PLEKHA2: variants seen among roughly 807,000 people sequenced by gnomAD.
The protein encoded by PLEKHA2 is pleckstrin homology domain containing A2, also known as pleckstrin homology domain-containing family A member 2.
Under a neutral mutation model 53.2 loss-of-function variants are expected in PLEKHA2, and 28 were observed. The ratio of observed to expected loss-of-function variants is 0.53; its 90% CI spans 0.39 to 0.72. PLEKHA2 has a LOEUF of 0.72. PLEKHA2 is among the 30% of genes least tolerant of loss of function. PLEKHA2 has a pLI of 0.00. For synonymous variants in PLEKHA2, 193 were observed against 196.4 expected, an observed-to-expected ratio of 0.98 and a Z score of 0.14; for missense variants, 426 against 537.9, an observed-to-expected ratio of 0.79 and a Z score of 2.06.
At chr8:38,958,919 A>C (rs971968566) in intron 10 of PLEKHA2, among the ~76,000 whole-genome samples, 2 of 151,982 alleles carry the variant, frequency 1.3e-5, no homozygotes, top group Non-Finnish European at 2.9e-5. Context: ...GTGCTGGGGG[A>C]GATGGAGCAC....
At chr8:38,945,198 A>G (rs1390521040) in intron 4 of PLEKHA2, among the ~76,000 whole-genome samples, 1 of 152,232 alleles carries the variant, frequency 6.6e-6, no homozygotes, top group Non-Finnish European at 1.5e-5. Context: ...AAATGCTAAC[A>G]AATAGTTTCT....
intron 2 of PLEKHA2, among the ~76,000 whole-genome samples, chr8:38,928,161 T>C (rs1339151388): frequency 6.6e-6 from 1 of 150,596 alleles, no homozygotes. Context: ...TTAGAAACAT[T>C]TAGGTGGCCA....
chr8:38,940,617 C>A (rs1318142218), intron 3 of PLEKHA2, among the ~76,000 whole-genome samples: 8 of 118,480 alleles, frequency 6.8e-5, no homozygotes, highest in African/African-American at 2.7e-4. Flanking sequence ...GTAAGCAGGA[C>A]AGAAGTCTAT....
rs1834868814 is a variant in PLEKHA2, at chr8:38,952,695, G to A, written c.693G>A (p.Lys231=). 6.2e-7 allele frequency: 1 copy of A among 1,612,306 alleles called. No homozygotes were observed. The highest frequency in any genetic ancestry group is 8.5e-7 in the Non-Finnish European group (1 of 1,179,676). The change falls in exon 8 of 12, where the codon AAG becomes AAA. Residue 231 remains lysine, a synonymous_variant. Transcript: ENST00000617275. ...ATGACTTTACCATCTGCTACTTCAA[G>A]TGTGAGCAGGTTTGTAGTAGCTTTG... ...ALDDFTICYF[K]CEQDREPLRT...
Position 38,969,921 on chromosome 8 carries a change from G to A in PLEKHA2, c.*138G>A. The A allele has an allele frequency of 8.0e-7, 1 of 1,255,092 alleles. No homozygotes were observed. Among genetic ancestry groups the A allele is most frequent in the Non-Finnish European group, 1.1e-6 (1 of 923,120 alleles). 77.7% of individuals were successfully genotyped at this position (1,255,092 alleles called of 1,614,324 possible). On this transcript the variant is annotated 3_prime_UTR_variant, in exon 12 of 12. Coordinates refer to ENST00000617275, the MANE Select transcript of PLEKHA2 (RefSeq NM_021623.2). ...ATTCCTGTGGATGCTCTTTGGGAGG[G>A]AGGGGCCCATCCAGCTGGGCTGTGT... is the stretch of plus-strand genomic sequence containing the variant.
intron 10 of PLEKHA2, among the ~76,000 whole-genome samples, chr8:38,965,430 G>T (rs1399645357): frequency 6.6e-6 from 1 of 152,106 alleles, no homozygotes; most frequent in Non-Finnish European, 1.5e-5. Flanking sequence ...TTATCGGATT[G>T]TCATCCTGGG....
intron 1 of PLEKHA2, among the ~76,000 whole-genome samples, chr8:38,912,937 AG>A (rs1235266682): frequency 6.6e-6 from 1 of 152,218 alleles, no homozygotes; most frequent in East Asian, 1.9e-4. Context: ...AAGCACAGTC[AG>A]GAGATGTAAC....
intron 1 of PLEKHA2, among the ~76,000 whole-genome samples, chr8:38,903,079 T>C (rs750456174): frequency 4.6e-5 from 7 of 152,248 alleles, no homozygotes; most frequent in Non-Finnish European, 7.3e-5. Flanking sequence ...TGCAAACACA[T>C]GAATTGTTTG....
chr8:38,938,792 C>T (rs532944490), intron 3 of PLEKHA2, among the ~76,000 whole-genome samples: 1 of 152,264 alleles, frequency 6.6e-6, no homozygotes, highest in East Asian at 1.9e-4. Flanking sequence ...TCACTGGAGT[C>T]AGACGGTCGG....
At chr8:38,909,582 T>C (rs1327918343) in intron 1 of PLEKHA2, among the ~76,000 whole-genome samples, 1 of 152,120 alleles carries the variant, frequency 6.6e-6, no homozygotes, top group Non-Finnish European at 1.5e-5. Flanking sequence ...CTCGGGGCAA[T>C]TTTTTTCTTG....
rs1186563659 is a variant in PLEKHA2, at chr8:38,971,103, GA to G, written c.*1324del. On this transcript the variant is annotated 3_prime_UTR_variant, in exon 12 of 12. Coordinates refer to ENST00000617275, the MANE Select transcript of PLEKHA2 (RefSeq NM_021623.2). ...TTGTGTCCAAATCTAATGCAGAGGT[GA>G]AAACACTTGATGAGAAAATCCTTTG... is the stretch of plus-strand genomic sequence containing the variant. 1.3e-5 allele frequency: 2 copies of G among 152,242 alleles called. No individual in the cohort carries two copies. The highest frequency in any genetic ancestry group is 1.3e-4 in the Admixed American group (2 of 15,286). 9.4% of individuals were successfully genotyped at this position (152,242 alleles called of 1,614,324 possible). A position where few individuals can be genotyped will look rare whatever the true frequency, so the allele number is the denominator to read the frequency against.
chr8:38,905,017 C>T (rs528878654), intron 1 of PLEKHA2, among the ~76,000 whole-genome samples: 26 of 152,310 alleles, frequency 1.7e-4, no homozygotes, highest in Admixed American at 7.8e-4. Flanking sequence ...ACCCTGAAGA[C>T]TTAAGCAACT....
chr8:38,962,079 G>T (rs751535151), intron 10 of PLEKHA2, among the ~76,000 whole-genome samples: 16 of 152,318 alleles, frequency 1.1e-4, no homozygotes, highest in Non-Finnish European at 2.1e-4. Context: ...ACAGGAAAAA[G>T]AAGGCTTTGA....
At chr8:38,942,794 A>C (rs554510270) in intron 3 of PLEKHA2, among the ~76,000 whole-genome samples, 1 of 152,324 alleles carries the variant, frequency 6.6e-6, no homozygotes, top group African/African-American at 2.4e-5. Context: ...AGGAGTGTAC[A>C]TGCCAGGGGT....
chr8:38,958,690 C>T (rs530129241), intron 10 of PLEKHA2, among the ~76,000 whole-genome samples: 78 of 152,300 alleles, frequency 5.1e-4, no homozygotes, highest in Admixed American at 5.9e-4. Context: ...ACTAATTCAC[C>T]AGCAACACTG....
At chr8:38,946,651 C>A (rs1834720680) in intron 5 of PLEKHA2, among the ~76,000 whole-genome samples, 1 of 152,192 alleles carries the variant, frequency 6.6e-6, no homozygotes, top group Non-Finnish European at 1.5e-5. Context: ...AGGGTCAGTC[C>A]AAGCCATCCG....
chr8:38,969,811 AGG>A lies in PLEKHA2; in HGVS notation c.*30_*31del. On this transcript the variant is annotated 3_prime_UTR_variant, in exon 12 of 12. Transcript: ENST00000617275. ...GAGCACAGTGCCATGGGAGGGAGGG[AGG>A]GAGGGAGGACTTGAGAGAAGGAGGC... 2 of 415,454 alleles carry A rather than the reference AGG, an allele frequency of 4.8e-6. No individual in the cohort carries two copies. The highest frequency in any genetic ancestry group is 4.9e-6 in the Non-Finnish European group (1 of 205,910). The allele number at this position is 415,454 out of a possible 1,614,324, so 25.7% of individuals were successfully genotyped here. A position where few individuals can be genotyped will look rare whatever the true frequency, so the allele number is the denominator to read the frequency against.
intron 3 of PLEKHA2, among the ~76,000 whole-genome samples, chr8:38,940,641 T>C: frequency 7.1e-5 from 2 of 28,154 alleles, no homozygotes; most frequent in Admixed American, 1.1e-3. Flanking sequence ...GTGGTCCAGA[T>C]TGAAGGGGCG....
At position 38,973,673 on chromosome 8, in the gene PLEKHA2, C is replaced by T. The variant is rs950372639; in HGVS notation, c.*3890C>T. On this transcript the variant is annotated 3_prime_UTR_variant, in exon 12 of 12. Transcript: ENST00000617275. ...CTAGATAGAGTTCAGATAAAGCAAA[C>T]GTTTGGCAAAAACATACTGTTTGAC... 6.7e-6 allele frequency: 1 copy of T among 149,882 alleles called. No individual in the cohort carries two copies. Among genetic ancestry groups the T allele is most frequent in the African/African-American group, 2.5e-5 (1 of 40,384 alleles). The allele number at this position is 149,882 out of a possible 1,614,324, so 9.3% of individuals were successfully genotyped here. A position where few individuals can be genotyped will look rare whatever the true frequency, so the allele number is the denominator to read the frequency against.
Sources: gnomAD v4.1 joint callset for allele counts (sites outside exome capture counted in the v4.1 genomes callset) on GRCh38, gnomAD v4.1.1 for gene constraint, MANE v1.5 for transcripts, NCBI Gene and HGNC (gene_info 2026-07-23, HGNC 2026-07-21) for gene names.